Variants in PCDH9 observed in about 807,000 individuals in gnomAD.
PCDH9 encodes protocadherin 9.
Under a neutral mutation model 70.6 loss-of-function variants are expected in PCDH9, and 24 were observed. The observed-to-expected ratio is 0.34, with a 90% CI of 0.25 to 0.48. The LOEUF (loss-of-function observed/expected upper bound fraction) is 0.48, where lower values mean the gene tolerates loss of function less well. PCDH9 is among the 20% of genes least tolerant of loss of function. The pLI is 0.99. For missense variants in PCDH9, 1,281 were observed against 1,503.6 expected (o/e 0.85, Z 2.45); for synonymous variants, 562 against 558.5 (o/e 1.01, Z -0.09).
chr13:66,409,857 T>C (rs1423004130), intron 4 of PCDH9, among the ~76,000 whole-genome samples: 1 of 152,148 alleles, frequency 6.6e-6, no homozygotes, highest in Non-Finnish European at 1.5e-5. Context: ...AAGTACAACC[T>C]TCCCTGCCCC....
intron 3 of PCDH9, among the ~76,000 whole-genome samples, chr13:66,738,037 G>T (rs368594581): frequency 6.6e-6 from 1 of 152,172 alleles, no homozygotes; most frequent in Non-Finnish European, 1.5e-5. Context: ...TCCACCTCTG[G>T]GGGCAGGGCA....
intron 3 of PCDH9, among the ~76,000 whole-genome samples, chr13:66,858,253 AG>A (rs2081426880): frequency 6.6e-6 from 1 of 152,210 alleles, no homozygotes; most frequent in South Asian, 2.1e-4. Context: ...TAAAAACAAT[AG>A]GACAGTTATT....
chr13:66,306,375 C>G (rs1419357818), intron 4 of PCDH9: 1 of 148,442 alleles, frequency 6.7e-6, no homozygotes, highest in Non-Finnish European at 1.5e-5. Flanking sequence ...TGGTAAAGAC[C>G]AGAGACAGCA....
chr13:67,099,355 A>T (rs1263236815), intron 2 of PCDH9, among the ~76,000 whole-genome samples: 1 of 152,216 alleles, frequency 6.6e-6, no homozygotes, highest in African/African-American at 2.4e-5. Flanking sequence ...TCAAGTCAAA[A>T]TCAATGGATT....
chr13:66,536,112 C>T (rs564445918), intron 4 of PCDH9, among the ~76,000 whole-genome samples: 1 of 152,018 alleles, frequency 6.6e-6, no homozygotes, highest in South Asian at 2.1e-4. Context: ...GTTTAAAAAG[C>T]AATTTTTCCA....
chr13:66,561,063 A>T (rs938477852), intron 4 of PCDH9, among the ~76,000 whole-genome samples: 15 of 152,166 alleles, frequency 9.9e-5, no homozygotes, highest in Non-Finnish European at 2.1e-4. Flanking sequence ...GGAGATGTGG[A>T]GGGAGAAGCG....
chr13:67,031,807 G>T (rs139281241), intron 2 of PCDH9, among the ~76,000 whole-genome samples: 2,096 of 152,016 alleles, frequency 0.014, 21 homozygotes, highest in South Asian at 0.025. Context: ...ACTTTTATTG[G>T]AGCATTAGAA....
chr13:67,122,995 A>C (rs1327969422), intron 2 of PCDH9, among the ~76,000 whole-genome samples: 2 of 152,040 alleles, frequency 1.3e-5, no homozygotes, highest in East Asian at 3.9e-4. Context: ...TATAGAGCTA[A>C]TCAAAATTAG....
At chr13:66,356,990 C>T (rs1279609350) in intron 4 of PCDH9, among the ~76,000 whole-genome samples, 2 of 152,024 alleles carry the variant, frequency 1.3e-5, no homozygotes, top group Non-Finnish European at 2.9e-5. Flanking sequence ...CCCGCCTTTC[C>T]ATTTCCCCAT....
At chr13:66,874,972 A>C (rs2081775937) in intron 3 of PCDH9, among the ~76,000 whole-genome samples, 1 of 151,118 alleles carries the variant, frequency 6.6e-6, no homozygotes, top group Non-Finnish European at 1.5e-5. Flanking sequence ...AGACAGAGAG[A>C]TATGTAGAAG....
chr13:67,164,252 A>C (rs1239888360), intron 2 of PCDH9, among the ~76,000 whole-genome samples: 1 of 152,162 alleles, frequency 6.6e-6, no homozygotes, highest in African/African-American at 2.4e-5. Flanking sequence ...TATATCTACT[A>C]TAGGAAAATT....
intron 3 of PCDH9, among the ~76,000 whole-genome samples, chr13:66,756,708 T>C (rs2079542985): frequency 6.6e-6 from 1 of 152,186 alleles, no homozygotes; most frequent in Non-Finnish European, 1.5e-5. Flanking sequence ...ACTGCTAGTT[T>C]TACATCAAAT....
At chr13:66,611,727 T>C (rs557499307) in intron 4 of PCDH9, among the ~76,000 whole-genome samples, 3 of 152,320 alleles carry the variant, frequency 2.0e-5, no homozygotes, top group Admixed American at 1.3e-4. Flanking sequence ...TCTTTCCTTG[T>C]TTGTTGTGAG....
At chr13:66,392,511 TTAAGC>T (rs1299008291) in intron 4 of PCDH9, among the ~76,000 whole-genome samples, 1 of 152,210 alleles carries the variant, frequency 6.6e-6, no homozygotes, top group African/African-American at 2.4e-5. Flanking sequence ...TCTTTATTCC[TTAAGC>T]TGCTCCTCAA....
chr13:67,020,233 A>G (rs2084649028), intron 2 of PCDH9, among the ~76,000 whole-genome samples: 1 of 152,176 alleles, frequency 6.6e-6, no homozygotes, highest in South Asian at 2.1e-4. Flanking sequence ...AGCTTTTATT[A>G]ATTTGTGTGA....
At chr13:67,086,108 C>T (rs933885391) in intron 2 of PCDH9, among the ~76,000 whole-genome samples, 1 of 152,054 alleles carries the variant, frequency 6.6e-6, no homozygotes, top group Non-Finnish European at 1.5e-5. Context: ...CCCTACAGAT[C>T]CCCAGTGGTT....
At chr13:66,346,285 G>C (rs1956212362) in intron 4 of PCDH9, among the ~76,000 whole-genome samples, 1 of 152,174 alleles carries the variant, frequency 6.6e-6, no homozygotes, top group South Asian at 2.1e-4. Flanking sequence ...CAAGGCTCTT[G>C]TCATCACTCA....
At chr13:66,998,060 G>T (rs2084158736) in intron 2 of PCDH9, among the ~76,000 whole-genome samples, 1 of 152,168 alleles carries the variant, frequency 6.6e-6, no homozygotes, top group South Asian at 2.1e-4. Context: ...TATACAATGA[G>T]AGTGCAAAGT....
intron 3 of PCDH9, among the ~76,000 whole-genome samples, chr13:66,701,278 T>C (rs954253485): frequency 5.3e-5 from 8 of 151,500 alleles, no homozygotes; most frequent in Non-Finnish European, 1.2e-4. Context: ...TATATATATA[T>C]ACACACACAC....
Sources: allele counts gnomAD v4.1 joint callset (sites outside exome capture counted in the v4.1 genomes callset), GRCh38; gene constraint gnomAD v4.1.1; transcripts MANE v1.5; gene names NCBI Gene and HGNC (gene_info 2026-07-23, HGNC 2026-07-21).